OSBPL8: variants seen among roughly 807,000 people sequenced by gnomAD.
The protein encoded by OSBPL8 is oxysterol-binding protein-related protein 8.
Under a neutral mutation model 125.5 loss-of-function variants are expected in OSBPL8, and 59 were observed. The ratio of observed to expected loss-of-function variants is 0.47; its 90% CI spans 0.38 to 0.58. OSBPL8 has a LOEUF of 0.58. Among genes scored for constraint, OSBPL8 ranks in the 20% least tolerant of loss-of-function variants. OSBPL8 has a pLI of 0.00. For missense variants in OSBPL8, 758 were observed against 1,047.8 expected (o/e 0.72, Z 3.82); for synonymous variants, 330 against 338.9 (o/e 0.97, Z 0.29).
chr12:76,548,969 T>TA (rs1350903191), intron 1 of OSBPL8, among the ~76,000 whole-genome samples: 2 of 151,966 alleles, frequency 1.3e-5, no homozygotes, highest in Non-Finnish European at 2.9e-5. Context: ...AAGGTATCTT[T>TA]AAAAAAATCT....
chr12:76,552,614 A>G (rs534548460), intron 1 of OSBPL8, among the ~76,000 whole-genome samples: 1 of 152,086 alleles, frequency 6.6e-6, no homozygotes, highest in South Asian at 2.1e-4. Flanking sequence ...TTCACTAGTC[A>G]TATGTGAGAA....
chr12:76,479,234 T>C (rs1469713995), intron 2 of OSBPL8, among the ~76,000 whole-genome samples: 1 of 152,126 alleles, frequency 6.6e-6, no homozygotes, highest in Non-Finnish European at 1.5e-5. Context: ...ACACAAAGGA[T>C]AAAAGCTTAA....
intron 21 of OSBPL8, 46 bp from the exon 22 acceptor site, chr12:76,358,857 A>T (rs1216436169): frequency 2.1e-6 from 3 of 1,426,092 alleles, no homozygotes; most frequent in Admixed American, 1.7e-5. Flanking sequence ...TGTATTTTGG[A>T]CTAAAGACCA....
At chr12:76,476,099 T>C (rs1197859081) in intron 2 of OSBPL8, among the ~76,000 whole-genome samples, 1 of 152,004 alleles carries the variant, frequency 6.6e-6, no homozygotes, top group Non-Finnish European at 1.5e-5. Context: ...ACAGAATATA[T>C]AAGCAACTGG....
intron 1 of OSBPL8, among the ~76,000 whole-genome samples, chr12:76,524,894 G>A (rs954502154): frequency 6.6e-6 from 1 of 152,066 alleles, no homozygotes; most frequent in African/African-American, 2.4e-5. Context: ...ATGTTGGCCA[G>A]GCTGGTCTCG....
chr12:76,411,636 T>A (rs529614014), intron 4 of OSBPL8, among the ~76,000 whole-genome samples: 1 of 151,954 alleles, frequency 6.6e-6, no homozygotes, highest in Non-Finnish European at 1.5e-5. Flanking sequence ...AAATTTTATA[T>A]GATATAAAAA....
chr12:76,449,942 T>A (rs772591602), intron 4 of OSBPL8, among the ~76,000 whole-genome samples: 2 of 152,070 alleles, frequency 1.3e-5, no homozygotes, highest in Non-Finnish European at 2.9e-5. Context: ...TATCAAAGAA[T>A]ATCTATAATT....
At chr12:76,463,415 T>C (rs560851285) in intron 2 of OSBPL8, among the ~76,000 whole-genome samples, 1 of 152,244 alleles carries the variant, frequency 6.6e-6, no homozygotes, top group South Asian at 2.1e-4. Context: ...TGGGTCAAAT[T>C]AAGTTTGAAA....
chr12:76,450,847 C>A lies in OSBPL8; in HGVS notation c.217+4G>T. On this transcript the variant is annotated splice_donor_region_variant and intron_variant, in intron 4 of 23. Transcript: ENST00000261183. ...GACAAAACATGAAAACCACAACTTC[C>A]TACCCTGGCTATGAGGACTTGCTGG... is the stretch of plus-strand genomic sequence containing the variant. The A allele has an allele frequency of 6.2e-7, 1 of 1,604,330 alleles. No homozygotes were observed. The highest frequency in any genetic ancestry group is 1.3e-5 in the African/African-American group (1 of 74,552).
At chr12:76,389,909 T>C in intron 11 of OSBPL8, 80 bp from the exon 12 acceptor site, 1 of 1,138,492 alleles carries the variant, frequency 8.8e-7, no homozygotes, top group Non-Finnish European at 1.2e-6. Flanking sequence ...ATGTTGAAAA[T>C]ATGAACTCTT....
At chr12:76,362,860 C>A (rs1267620005) in intron 21 of OSBPL8, among the ~76,000 whole-genome samples, 1 of 152,152 alleles carries the variant, frequency 6.6e-6, no homozygotes, top group Admixed American at 6.5e-5. Context: ...AATCAATGTG[C>A]AAAAATCACA....
At position 76,448,698 on chromosome 12, in the gene OSBPL8, G is replaced by A. The variant is rs201543633; in HGVS notation, c.217+2153C>T. ...ATGAAAGTGTTTCCATCTAATATAT[G>A]ACTAGATAAACATTTTCTATTGAAA... On this transcript the variant is annotated intron_variant, in intron 4 of 23. Transcript: ENST00000261183. Among the ~76,000 whole-genome samples, 8 of 152,236 alleles carry A rather than the reference G, an allele frequency of 5.3e-5. No homozygotes were observed. The East Asian group carries it at 1.5e-3, about 29-fold the overall frequency.
At chr12:76,375,837 C>CCACAAG (rs1565838716) in intron 16 of OSBPL8, among the ~76,000 whole-genome samples, 1 of 151,932 alleles carries the variant, frequency 6.6e-6, no homozygotes, top group East Asian at 1.9e-4. Context: ...TAAAATGGAC[C>CCACAAG]CACATGTAGT....
intron 9 of OSBPL8, among the ~76,000 whole-genome samples, chr12:76,393,267 A>T (rs1452907913): frequency 6.6e-6 from 1 of 152,202 alleles, no homozygotes; most frequent in Non-Finnish European, 1.5e-5. Context: ...TTATTTTTTA[A>T]GTAAAAATTT....
chr12:76,513,477 T>A (rs1184102676), intron 1 of OSBPL8, among the ~76,000 whole-genome samples: 2 of 152,230 alleles, frequency 1.3e-5, no homozygotes, highest in Non-Finnish European at 2.9e-5. Flanking sequence ...GTCCTGAATA[T>A]CTTTAACTTT....
chr12:76,526,754 A>C (rs1052401249), intron 1 of OSBPL8, among the ~76,000 whole-genome samples: 9 of 145,792 alleles, frequency 6.2e-5, no homozygotes, highest in Non-Finnish European at 8.9e-5. Flanking sequence ...GGGTTCCAGC[A>C]ACTCTCCTGT....
intron 4 of OSBPL8, chr12:76,422,559 GAAC>G: frequency 2.2e-6 from 1 of 456,562 alleles, no homozygotes; most frequent in South Asian, 1.5e-5. Flanking sequence ...GAAGCATTCC[GAAC>G]AAGCTTTCGG....
chr12:76,476,940 T>C (rs992617216), intron 2 of OSBPL8, among the ~76,000 whole-genome samples: 2 of 152,182 alleles, frequency 1.3e-5, no homozygotes, highest in Admixed American at 6.5e-5. Flanking sequence ...ATCTGTTAAA[T>C]GACCAAATGA....
In OSBPL8 at chr12:76,488,688, G is replaced by C. The variant is rs528637792; in HGVS notation, c.-67-1070C>G. ...GTAACTGAACTGATAAATGTAGGAG[G>C]TTTTGACTGTTCCACCCATCTGCCA... is the stretch of plus-strand genomic sequence containing the variant. On this transcript the variant is annotated intron_variant, in intron 1 of 23. Coordinates refer to ENST00000261183, the MANE Select transcript of OSBPL8 (RefSeq NM_020841.5). Among the ~76,000 whole-genome samples, 6 of 152,220 alleles carry C rather than the reference G, an allele frequency of 3.9e-5. No homozygotes were observed. In the South Asian group the frequency reaches 1.2e-3, roughly 32 times the overall value.
Sources: allele counts gnomAD v4.1 joint callset (sites outside exome capture counted in the v4.1 genomes callset), GRCh38; gene constraint gnomAD v4.1.1; transcripts MANE v1.5; gene names NCBI Gene and HGNC (gene_info 2026-07-23, HGNC 2026-07-21).